LRRC73: variants seen among roughly 807,000 people sequenced by gnomAD.
LRRC73 encodes the protein leucine rich repeat containing 73.
A neutral mutation model predicts 26.4 loss-of-function variants in LRRC73; 16 were observed. The ratio of observed to expected loss-of-function variants is 0.61; its 90% confidence interval spans 0.41 to 0.92. The LOEUF (loss-of-function observed/expected upper bound fraction) is 0.92, where lower values mean the gene tolerates loss of function less well. Ranked by LOEUF, LRRC73 falls within the 40% of genes least tolerant of loss-of-function variation. The probability of loss-of-function intolerance (pLI) is 0.00; values close to 1 mark genes in which losing one functional copy is unlikely to be tolerated. For synonymous variants in LRRC73, 210 were observed against 179.8 expected (o/e 1.17, Z -1.34); for missense variants, 344 against 416.3 (o/e 0.83, Z 1.51).
chr6:43,508,259 G>A (rs749951861), intron 3 of LRRC73, 39 bp downstream of exon 3: 1 of 1,579,172 alleles, frequency 6.3e-7, no homozygotes, highest in Non-Finnish European at 8.6e-7. Flanking sequence ...GATAGGGCAT[G>A]AGGCAGTGAC....
exon 4 of LRRC73, chr6:43,507,916 C>T (rs748498709): frequency 6.2e-7 from 1 of 1,613,916 alleles, no homozygotes; most frequent in Non-Finnish European, 8.5e-7. Flanking sequence ...GCATTCCTGC[C>T]ACATGGTCAC....
chr6:43,508,355 T>C (rs571675277), exon 3 of LRRC73: 4 of 1,613,644 alleles, frequency 2.5e-6, no homozygotes, highest in Admixed American at 1.7e-5. Flanking sequence ...GCCACGGCAA[T>C]GGCAAGGCGG....
At chr6:43,509,866 G>A (rs1792610692) in exon 1 of LRRC73, 1 of 1,297,468 alleles carries the variant, frequency 7.7e-7, no homozygotes, top group African/African-American at 1.6e-5. Flanking sequence ...ATAGGGCCGG[G>A]GTCGGGGCCC....
intron 1 of LRRC73, among the ~76,000 whole-genome samples, 169 bp from the exon 2 acceptor site, chr6:43,509,089 G>A (rs548805369): frequency 4.6e-5 from 7 of 152,246 alleles, no homozygotes; most frequent in East Asian, 3.9e-4. Context: ...ACAGATAGAG[G>A]GAGAATTCGG....
exon 1 of LRRC73, chr6:43,509,833 T>C: frequency 2.1e-6 from 3 of 1,420,522 alleles, no homozygotes; most frequent in Non-Finnish European, 2.7e-6. Context: ...CGGAGGTTGG[T>C]GGGGCCGCGG....
At chr6:43,509,454 C>A in intron 1 of LRRC73, 60 bp downstream of exon 1, 1 of 1,536,486 alleles carries the variant, frequency 6.5e-7, no homozygotes. Flanking sequence ...ACAGGAGGTG[C>A]CAGGGGAGTG....
exon 3 of LRRC73, chr6:43,508,344 G>A (rs1387958458): frequency 6.2e-7 from 1 of 1,613,638 alleles, no homozygotes; most frequent in Admixed American, 1.7e-5. Context: ...GGGAGCTGTG[G>A]GCCACGGCAA....
chr6:43,509,095 T>C (rs1300764159), intron 1 of LRRC73, among the ~76,000 whole-genome samples, 175 bp from the exon 2 acceptor site: 2 of 151,428 alleles, frequency 1.3e-5, no homozygotes, highest in Non-Finnish European at 2.9e-5. Context: ...AGAGGGAGAA[T>C]TCGGTTTGTT....
At chr6:43,508,615 GC>G in intron 2 of LRRC73, 144 bp downstream of exon 2, 1 of 1,385,056 alleles carries the variant, frequency 7.2e-7, no homozygotes, top group Non-Finnish European at 9.9e-7. Flanking sequence ...TCTCCATGCT[GC>G]CCCCCGTCCT....
At chr6:43,507,133 CCT>C (rs1792514015) in exon 6 of LRRC73, 2 of 1,241,760 alleles carry the variant, frequency 1.6e-6, no homozygotes, top group Non-Finnish European at 2.3e-6. Flanking sequence ...CCATGCAGCC[CCT>C]GACCCCAGTT....
intron 4 of LRRC73, 47 bp from the exon 5 acceptor site, chr6:43,507,725 G>A (rs201928812): frequency 1.2e-6 from 2 of 1,600,120 alleles, no homozygotes; most frequent in African/African-American, 2.7e-5. Flanking sequence ...GTTAAGGCAG[G>A]TCCTCAGACC....
chr6:43,509,845 C>A (rs1792610170), exon 1 of LRRC73: 7 of 1,386,226 alleles, frequency 5.0e-6, no homozygotes, highest in South Asian at 1.6e-5. Context: ...GGGCCGCGGG[C>A]GGGGCCGGGG....
exon 1 of LRRC73, chr6:43,509,835 G>A: frequency 7.1e-7 from 1 of 1,414,570 alleles, no homozygotes; most frequent in Non-Finnish European, 9.2e-7. Context: ...GAGGTTGGTG[G>A]GGCCGCGGGC....
exon 2 of LRRC73, chr6:43,508,773 A>G: frequency 6.2e-7 from 1 of 1,610,936 alleles, no homozygotes. Flanking sequence ...ATTTGGCCCC[A>G]TCTGGGGGCA....
At chr6:43,507,409 C>G (rs1440879258) in intron 5 of LRRC73, 47 bp downstream of exon 5, 1 of 1,610,724 alleles carries the variant, frequency 6.2e-7, no homozygotes, top group South Asian at 1.1e-5. Context: ...CTCCCTTGTC[C>G]CGAGCCTCTT....
At chr6:43,508,720 C>T (rs747955440) in intron 2 of LRRC73, 40 bp downstream of exon 2, 3 of 1,559,484 alleles carry the variant, frequency 1.9e-6, no homozygotes, top group South Asian at 1.2e-5. Flanking sequence ...ATTTTCATCA[C>T]TGCCACACTA....
chr6:43,508,557 T>C (rs1273656146), intron 2 of LRRC73, 137 bp from the exon 3 acceptor site: 5 of 1,431,388 alleles, frequency 3.5e-6, no homozygotes, highest in Non-Finnish European at 9.5e-7. Flanking sequence ...TCAAGAGCCA[T>C]TAAGGAGGCC....
At position 43,507,321 on chromosome 6, in the gene LRRC73, A is replaced by AGAG. The variant is rs1792521824; in HGVS notation, c.881-16_881-14dup. 6.2e-7 allele frequency: 1 copy of AGAG among 1,613,844 alleles called. No individual in the cohort carries two copies. The highest frequency in any genetic ancestry group is 8.5e-7 in the Non-Finnish European group (1 of 1,180,000). ...TGAGAGCTGGGATCTGTGGAAGGGC[A>AGAG]GAGAAGTGTTCAGACCACCATTCCT... On this transcript the variant is annotated splice_polypyrimidine_tract_variant and intron_variant, in intron 5 of 5. Transcript: ENST00000372441.
At chr6:43,507,669 C>G (rs890515975) in exon 5 of LRRC73, 11 of 1,613,926 alleles carry the variant, frequency 6.8e-6, no homozygotes, top group Non-Finnish European at 7.6e-6. Context: ...TCTACCATGT[C>G]CAGCAGGGTC....
Sources: allele counts gnomAD v4.1 joint callset (sites outside exome capture counted in the v4.1 genomes callset), GRCh38; gene constraint gnomAD v4.1.1; transcripts MANE v1.5; gene names NCBI Gene and HGNC (gene_info 2026-07-23, HGNC 2026-07-21).